ITSN2: variants seen among roughly 807,000 people sequenced by gnomAD.
ITSN2 encodes intersectin 2, also known as intersectin-2.
A neutral mutation model predicts 243.7 loss-of-function variants in ITSN2; 156 were observed. That is an observed-to-expected ratio of 0.64 (90% confidence interval 0.56 to 0.73). ITSN2 has a LOEUF of 0.73. ITSN2 is among the 30% of genes least tolerant of loss of function. The probability of loss-of-function intolerance (pLI) is 0.00; values close to 1 mark genes in which losing one functional copy is unlikely to be tolerated. For synonymous variants in ITSN2, 703 were observed against 699.9 expected, an observed-to-expected ratio of 1.00 and a Z score of -0.07; for missense variants, 1,801 against 1,996.1, an observed-to-expected ratio of 0.90 and a Z score of 1.86.
chr2:24,239,057 T>C (rs1404716609), intron 29 of ITSN2: 6 of 152,508 alleles, frequency 3.9e-5, no homozygotes, highest in African/African-American at 9.6e-5. Context: ...TTTAATACTA[T>C]AATTTTCAAG....
At chr2:24,216,976 C>G (rs954494961) in intron 31 of ITSN2, among the ~76,000 whole-genome samples, 1 of 151,736 alleles carries the variant, frequency 6.6e-6, no homozygotes, top group Non-Finnish European at 1.5e-5. Context: ...CCCAGCTACT[C>G]GGGAGGCTGA....
intron 21 of ITSN2, 118 bp from the exon 22 acceptor site, chr2:24,261,368 G>T (rs771598790): frequency 1.2e-5 from 11 of 923,146 alleles, no homozygotes; most frequent in South Asian, 1.7e-5. Context: ...TGTGGGAAAA[G>T]AAATAATTAT....
intron 1 of ITSN2, among the ~76,000 whole-genome samples, chr2:24,356,775 C>T (rs1366700798): frequency 6.6e-6 from 1 of 152,040 alleles, no homozygotes; most frequent in African/African-American, 2.4e-5. Flanking sequence ...TGGTGGCAGG[C>T]GTCTGTAATC....
intron 15 of ITSN2, among the ~76,000 whole-genome samples, chr2:24,292,595 C>G (rs770853397): frequency 2.4e-4 from 37 of 152,204 alleles, no homozygotes; most frequent in Non-Finnish European, 4.7e-4. Flanking sequence ...GCCCAACAAT[C>G]CCAGCTTCTT....
At chr2:24,243,160 G>A (rs758739227) in intron 29 of ITSN2, among the ~76,000 whole-genome samples, 50 of 152,012 alleles carry the variant, frequency 3.3e-4, no homozygotes, top group Admixed American at 1.3e-3. Context: ...AGATTTAGGG[G>A]GTCTTTTTCC....
intron 3 of ITSN2, among the ~76,000 whole-genome samples, chr2:24,314,718 C>T (rs1398291132): frequency 6.6e-6 from 1 of 151,856 alleles, no homozygotes; most frequent in Non-Finnish European, 1.5e-5. Context: ...GGTCTTTCTG[C>T]AAAACAAGGG....
intron 37 of ITSN2, 152 bp from the exon 38 acceptor site, chr2:24,205,449 C>A: frequency 3.2e-6 from 2 of 623,154 alleles, no homozygotes; most frequent in Non-Finnish European, 5.7e-6. Flanking sequence ...TGCCTTTCCC[C>A]AGGCTGTGTT....
chr2:24,232,162 G>GTA (rs1671692354), intron 29 of ITSN2, among the ~76,000 whole-genome samples: 1 of 152,018 alleles, frequency 6.6e-6, no homozygotes, highest in Non-Finnish European at 1.5e-5. Context: ...GTCTTTTTGA[G>GTA]GCCTGTCAAG....
chr2:24,354,249 A>G (rs1688259286), intron 1 of ITSN2, among the ~76,000 whole-genome samples: 1 of 152,250 alleles, frequency 6.6e-6, no homozygotes, highest in Non-Finnish European at 1.5e-5. Context: ...CACTTTAAAG[A>G]AGGCTTCACT....
intron 18 of ITSN2, among the ~76,000 whole-genome samples, chr2:24,275,480 G>T (rs1447783091): frequency 1.3e-5 from 2 of 152,176 alleles, no homozygotes; most frequent in African/African-American, 4.8e-5. Flanking sequence ...GGTAGTAAGT[G>T]GAAGAGCAAG....
chr2:24,239,344 A>G (rs1558467074), intron 29 of ITSN2: 1 of 152,234 alleles, frequency 6.6e-6, no homozygotes, highest in Non-Finnish European at 1.5e-5. Context: ...TATATTTTAA[A>G]ATGTTTTATT....
chr2:24,268,714 C>A (rs1470076764), intron 20 of ITSN2, among the ~76,000 whole-genome samples: 1 of 151,900 alleles, frequency 6.6e-6, no homozygotes, highest in Non-Finnish European at 1.5e-5. Context: ...CTCTGCAGAT[C>A]CTTTCTACTA....
In ITSN2 at chr2:24,204,776, A is replaced by G; in HGVS notation, c.4763-358T>C. ...AAACAGTGATAAGAATATTGGTCCA[A>G]TATGCGCATTTTAGTGGCACTGGAC... On this transcript the variant is annotated intron_variant, in intron 38 of 39. Transcript: ENST00000355123. The surrounding 1 kb of genome is among the most constrained non-coding windows in gnomAD (Gnocchi z 5.1). 2.1e-6 allele frequency: 1 copy of G among 483,564 alleles called. No homozygotes were observed. The highest frequency in any genetic ancestry group is 4.1e-6 in the Non-Finnish European group (1 of 245,388). 30.0% of individuals were successfully genotyped at this position (483,564 alleles called of 1,614,324 possible). A position where few individuals can be genotyped will look rare whatever the true frequency, so the allele number is the denominator to read the frequency against.
chr2:24,312,112 A>G, intron 5 of ITSN2, 100 bp downstream of exon 5: 2 of 888,482 alleles, frequency 2.3e-6, no homozygotes, highest in Non-Finnish European at 3.3e-6. Flanking sequence ...GAATCTGGGG[A>G]CTGTCATTTT....
intron 32 of ITSN2, 86 bp from the exon 33 acceptor site, chr2:24,212,834 T>C (rs1669623591): frequency 9.4e-7 from 1 of 1,063,904 alleles, no homozygotes; most frequent in Admixed American, 1.9e-5. Flanking sequence ...AGATTTCACA[T>C]TTCTTTTATT....
chr2:24,261,660 A>T lies in ITSN2; in HGVS notation c.2438T>A (p.Val813Glu). 6.2e-7 allele frequency: 1 copy of T among 1,613,174 alleles called. No homozygotes were observed. Among genetic ancestry groups the T allele is most frequent in the Non-Finnish European group, 8.5e-7 (1 of 1,179,254 alleles). Reference protein sequence around the residue: ...GNFGWFPCNYVEKMPSSENEK... With the variant: ...GNFGWFPCNYEEKMPSSENEK... Reference sequence around the variant, plus strand: ...ATTTTCACTTGATGGCATTTTTTCTACATAATTGCATGGAAACCAGCCAAA... The same window carrying T: ...ATTTTCACTTGATGGCATTTTTTCTTCATAATTGCATGGAAACCAGCCAAA... The change falls in exon 21 of 40, where the codon GTA becomes GAA. Residue 813 changes from valine (V) to glutamate (E), a missense_variant. By Grantham distance (121) the Val-to-Glu change is moderately radical. Transcript: ENST00000355123.
chr2:24,346,106 T>A (rs1219335775), intron 1 of ITSN2, among the ~76,000 whole-genome samples: 1 of 152,196 alleles, frequency 6.6e-6, no homozygotes. Flanking sequence ...TAAGACTGTA[T>A]CCCAGCCCAC....
intron 2 of ITSN2, among the ~76,000 whole-genome samples, chr2:24,321,516 T>C (rs888848938): frequency 6.6e-6 from 1 of 152,174 alleles, no homozygotes; most frequent in Non-Finnish European, 1.5e-5. Flanking sequence ...AGAGAAGTTT[T>C]AAGATTATAG....
Position 24,261,622 on chromosome 2 carries a change from A to C in ITSN2, c.2476T>G (p.Ser826Ala). Residue 826 changes from serine (S) to alanine (A), a missense_variant, in exon 21 of 40, where the codon TCT becomes GCT. Ser to Ala is a moderately conservative substitution (Grantham distance 99). Around this residue, in one of 5 missense-constraint regions of ITSN2, gnomAD observed 928 missense variants for 1,065.4 expected, o/e 0.87. Transcript: ENST00000355123. The stretch of plus-strand genomic sequence containing the variant: ...GGAGGAAGTAAGGCCTTCTTTGGAG[A>C]TACAGCTTTTTCATTTTCACTTGAT... ...MPSSENEKAV[S>A]PKKALLPPTV... The C allele has an allele frequency of 6.2e-7, 1 of 1,613,686 alleles. No individual in the cohort carries two copies. The highest frequency in any genetic ancestry group is 8.5e-7 in the Non-Finnish European group (1 of 1,179,716).
Sources: allele counts gnomAD v4.1 joint callset (sites outside exome capture counted in the v4.1 genomes callset), GRCh38; gene constraint gnomAD v4.1.1; regional missense constraint gnomAD v4.1.1; non-coding constraint Gnocchi (gnomAD v3.1); transcripts MANE v1.5; gene names NCBI Gene and HGNC (gene_info 2026-07-23, HGNC 2026-07-21).